The following PRELID3A variants were observed in gnomAD, a reference collection of about 807,000 sequenced individuals.
PRELID3A encodes the protein PRELI domain containing protein 3A.
Under a neutral mutation model 23.0 loss-of-function variants are expected in PRELID3A, and 27 were observed. The observed-to-expected ratio is 1.17, with a 90% CI of 0.87 to 1.62. The LOEUF (loss-of-function observed/expected upper bound fraction) is 1.62. PRELID3A is among the 40% of genes most tolerant of loss of function. The probability of loss-of-function intolerance (pLI) is 0.00; values close to 1 mark genes in which losing one functional copy is unlikely to be tolerated. For synonymous variants in PRELID3A, 87 were observed against 86.4 expected (o/e 1.01, Z -0.04); for missense variants, 231 against 231.4 (o/e 1.00, Z 0.01).
intron 3 of PRELID3A, among the ~76,000 whole-genome samples, chr18:12,422,926 C>A (rs1252477881): frequency 3.3e-5 from 5 of 152,176 alleles, no homozygotes; most frequent in Non-Finnish European, 2.9e-5. Context: ...CTGGTTCTGC[C>A]AACGGTATCA....
At position 12,427,305 on chromosome 18, in the gene PRELID3A, A is replaced by G. The variant is rs751697735; in HGVS notation, c.447A>G (p.Ile149Met). 25 of 1,611,534 alleles carry G rather than the reference A, an allele frequency of 1.6e-5. No individual in the cohort carries two copies. In the Admixed American group the frequency reaches 4.0e-4, roughly 26 times the overall value. ...SYLESLMANT[I>M]SSNAKKGWAA... ...TGGAAAGTTTAATGGCCAATACGAT[A>G]TCATCCAATGCAAAGAAGGTATGTA... is the stretch of plus-strand genomic sequence containing the variant. Residue 149 changes from isoleucine to methionine, a missense_variant, in exon 5 of 7, where the codon ATA becomes ATG. Physicochemically the swap from Ile to Met is conservative, Grantham distance 10. Coordinates refer to ENST00000440960, the MANE Select transcript of PRELID3A (RefSeq NM_001142405.2).
intron 1 of PRELID3A, among the ~76,000 whole-genome samples, chr18:12,415,408 C>T (rs512810): frequency 0.019 from 2,883 of 151,996 alleles, 85 homozygotes; most frequent in African/African-American, 0.066. Flanking sequence ...TACAGGTGTG[C>T]GCCACCATGC....
rs4797685 is a variant in PRELID3A, at chr18:12,427,545, A to G, written c.465+222A>G. On this transcript the variant is annotated intron_variant, in intron 5 of 6. Coordinates refer to ENST00000440960, the MANE Select transcript of PRELID3A (RefSeq NM_001142405.2). ...AACCCCATCTACTAAAAATACAAAA[A>G]TTAGCTGGGCATAGTGGCACACCTC... Among the ~76,000 whole-genome samples the G allele has an allele frequency of 0.011, 1,727 of 152,084 alleles. 61 individuals are homozygous for G. The highest frequency in any genetic ancestry group is 0.065 in the Admixed American group (985 of 15,250).
chr18:12,426,370 C>G (rs6505756), intron 3 of PRELID3A, among the ~76,000 whole-genome samples: 5 of 149,620 alleles, frequency 3.3e-5, no homozygotes, highest in South Asian at 2.1e-4. Context: ...CTGGCTAACA[C>G]GGTGAAACTC....
intron 4 of PRELID3A, 50 bp downstream of exon 4, chr18:12,427,161 A>C (rs2030407023): frequency 6.3e-7 from 1 of 1,597,840 alleles, no homozygotes; most frequent in Non-Finnish European, 8.6e-7. Flanking sequence ...GGGTGAGGGC[A>C]GGGCAGACCC....
At chr18:12,417,273 G>A (rs2029991058) in intron 1 of PRELID3A, among the ~76,000 whole-genome samples, 1 of 151,870 alleles carries the variant, frequency 6.6e-6, no homozygotes, top group Admixed American at 6.6e-5. Context: ...TCCTGGGTTC[G>A]AGCAATTCTT....
intron 1 of PRELID3A, among the ~76,000 whole-genome samples, chr18:12,416,123 T>G (rs2029943308): frequency 6.6e-6 from 1 of 152,182 alleles, no homozygotes; most frequent in African/African-American, 2.4e-5. Flanking sequence ...GGGCGGGGTG[T>G]CCATTTTCAG....
At chr18:12,415,385 A>G (rs1039987398) in intron 1 of PRELID3A, among the ~76,000 whole-genome samples, 1 of 151,654 alleles carries the variant, frequency 6.6e-6, no homozygotes, top group South Asian at 2.1e-4. Flanking sequence ...TCAGGCTCCT[A>G]AGTAGCTGGG....
At chr18:12,427,363 T>C in intron 5 of PRELID3A, 40 bp downstream of exon 5, 1 of 1,372,290 alleles carries the variant, frequency 7.3e-7, no homozygotes, top group Non-Finnish European at 1.0e-6. Context: ...TGTGCTCTAG[T>C]TGTTAAGTGC....
intron 2 of PRELID3A, chr18:12,421,194 TG>T: frequency 4.1e-6 from 1 of 244,938 alleles, no homozygotes; most frequent in Non-Finnish European, 7.8e-6. Context: ...GCCCCCAGCC[TG>T]ACACCCCCAC....
At chr18:12,417,291 A>C (rs546317671) in intron 1 of PRELID3A, among the ~76,000 whole-genome samples, 1 of 152,134 alleles carries the variant, frequency 6.6e-6, no homozygotes, top group South Asian at 2.1e-4. Flanking sequence ...CTTCTGCCTC[A>C]GTCTCCCGAG....
intron 1 of PRELID3A, among the ~76,000 whole-genome samples, chr18:12,413,541 T>C (rs919272184): frequency 1.3e-5 from 2 of 152,202 alleles, no homozygotes; most frequent in Non-Finnish European, 1.5e-5. Context: ...ATCCAGCTCC[T>C]GGTAGCAGAT....
rs760676178 is a variant in PRELID3A, at chr18:12,420,410, C to T, written c.118C>T (p.Gln40Ter). The change falls in exon 2 of 7, where the codon CAG becomes TAG. Residue 40 changes from glutamine to a stop codon, truncating the protein, a stop_gained. Coordinates refer to ENST00000440960, the MANE Select transcript of PRELID3A (RefSeq NM_001142405.2). LOFTEE classifies it high-confidence loss of function. ...GAGCGTGCTGGGCGTGGATGTGCTA[C>T]AGCGCCGCGTGGACGGCCGCGGCCG... ...NPSVLGVDVL[Q>*]RRVDGRGRLH... 1.2e-6 allele frequency: 2 copies of T among 1,604,470 alleles called. No individual in the cohort carries two copies. The highest frequency in any genetic ancestry group is 1.7e-6 in the Non-Finnish European group (2 of 1,176,296).
chr18:12,426,563 A>AAAAAAAAGAAAAAAG (rs67993774), intron 3 of PRELID3A, among the ~76,000 whole-genome samples: 3 of 87,720 alleles, frequency 3.4e-5, no homozygotes, highest in African/African-American at 4.3e-5. Flanking sequence ...CAAAAAAAAA[A>AAAAAAAAGAAAAAAG]AAAGTATAAA....
At chr18:12,424,866 G>A (rs1412544848) in intron 3 of PRELID3A, among the ~76,000 whole-genome samples, 4 of 152,204 alleles carry the variant, frequency 2.6e-5, no homozygotes, top group Non-Finnish European at 5.9e-5. Flanking sequence ...CAGTGCGGTG[G>A]CCCACGCCTG....
chr18:12,425,286 G>A (rs1251003363), intron 3 of PRELID3A, among the ~76,000 whole-genome samples: 1 of 152,062 alleles, frequency 6.6e-6, no homozygotes, highest in African/African-American at 2.4e-5. Flanking sequence ...AGAAAATTCT[G>A]TTAGTGTGGC....
At chr18:12,429,735 G>A (rs1367132136) in intron 6 of PRELID3A, among the ~76,000 whole-genome samples, 1 of 152,236 alleles carries the variant, frequency 6.6e-6, no homozygotes, top group Non-Finnish European at 1.5e-5. Flanking sequence ...AGGTGACCCC[G>A]GTGACTGTGC....
intron 1 of PRELID3A, among the ~76,000 whole-genome samples, chr18:12,415,009 G>C (rs1241797833): frequency 6.6e-6 from 1 of 151,980 alleles, no homozygotes; most frequent in Non-Finnish European, 1.5e-5. Context: ...ACTTACTGCA[G>C]CCTCAAACTG....
chr18:12,412,851 A>C (rs911313127), intron 1 of PRELID3A, among the ~76,000 whole-genome samples: 95 of 152,370 alleles, frequency 6.2e-4, no homozygotes, highest in Non-Finnish European at 9.8e-4. Context: ...AACAATAATA[A>C]ACCTGTTATA....
Sources: allele counts gnomAD v4.1 joint callset (sites outside exome capture counted in the v4.1 genomes callset), GRCh38; gene constraint gnomAD v4.1.1; transcripts MANE v1.5; gene names NCBI Gene and HGNC (gene_info 2026-07-23, HGNC 2026-07-21).